Variants in KCNQ1 observed in about 807,000 individuals in gnomAD.
KCNQ1 encodes the protein potassium voltage-gated channel subfamily Q member 1, also known as potassium voltage-gated channel subfamily KQT member 1.
In KCNQ1, 49 loss-of-function variants were observed where a neutral mutation model predicts 72.4. The ratio of observed to expected loss-of-function variants is 0.68; its 90% CI spans 0.54 to 0.86. The LOEUF is 0.86. Among genes scored for constraint, KCNQ1 ranks in the 40% least tolerant of loss-of-function variants. The pLI is 0.00. For missense variants in KCNQ1, 790 were observed against 945.1 expected, an observed-to-expected ratio of 0.84 and a Z score of 2.15; for synonymous variants, 450 against 412.6, an observed-to-expected ratio of 1.09 and a Z score of -1.10.
chr11:2,807,622 G>T (rs937345155), intron 15 of KCNQ1, among the ~76,000 whole-genome samples: 1 of 152,002 alleles, frequency 6.6e-6, no homozygotes, highest in Non-Finnish European at 1.5e-5. Flanking sequence ...CGCAACCCGC[G>T]CCAGGACAGC....
At chr11:2,470,118 G>A (rs1468113763) in intron 1 of KCNQ1, among the ~76,000 whole-genome samples, 5 of 152,262 alleles carry the variant, frequency 3.3e-5, no homozygotes, top group African/African-American at 1.2e-4. Flanking sequence ...ATGTCACCAC[G>A]CCCGGCTGAT....
intron 1 of KCNQ1, among the ~76,000 whole-genome samples, chr11:2,521,322 C>T (rs1298876681): frequency 3.9e-5 from 6 of 152,302 alleles, no homozygotes; most frequent in South Asian, 4.1e-4. Context: ...TTCCCTGCGA[C>T]GGTGGATTTC....
At chr11:2,504,570 A>G (rs1847070806) in intron 1 of KCNQ1, among the ~76,000 whole-genome samples, 1 of 152,190 alleles carries the variant, frequency 6.6e-6, no homozygotes, top group Non-Finnish European at 1.5e-5. Flanking sequence ...TGCCTGGCCA[A>G]CATGGTGAAA....
At chr11:2,615,696 T>C (rs1415829962) in intron 10 of KCNQ1, 2 of 398,008 alleles carry the variant, frequency 5.0e-6, no homozygotes, top group Non-Finnish European at 8.9e-6. Context: ...ATTGATACTC[T>C]TGTACTGAAC....
intron 11 of KCNQ1, chr11:2,686,408 T>C (rs1189770366): frequency 3.3e-5 from 13 of 398,548 alleles, no homozygotes; most frequent in Non-Finnish European, 4.4e-5. Flanking sequence ...GACTAGGATA[T>C]TGTGGATACC....
rs1314965870 is a variant in KCNQ1, at chr11:2,698,680, C to T, written c.1514+36599C>T. 2.5e-6 allele frequency: 1 copy of T among 398,870 alleles called. No individual in the cohort carries two copies. Among genetic ancestry groups the T allele is most frequent in the East Asian group, 3.6e-5 (1 of 28,078 alleles). 24.7% of individuals were successfully genotyped at this position (398,870 alleles called of 1,614,324 possible). On this transcript the variant is annotated intron_variant, in intron 11 of 15. Transcript: ENST00000155840. This position sits in a 1 kb window ranked among gnomAD's most constrained non-coding sequence, Gnocchi z 5.1. ...TTAACTCAGAGCCCCCCATTCAGAA[C>T]CTCTACCCAAAGACAGACTCCAGAC...
Position 2,651,507 on chromosome 11 carries a change from G to A in KCNQ1, c.1394-10454G>A, listed in dbSNP as rs547186909. ...TGCATTAAGAAGCTGTCAGTGTGAA[G>A]AACGTGAATGCTAAGGGCATATGAG... On this transcript the variant is annotated intron_variant, in intron 10 of 15. Transcript: ENST00000155840. This position sits in a 1 kb window ranked among gnomAD's most constrained non-coding sequence, Gnocchi z 6.1. 1.8e-5 allele frequency: 7 copies of A among 398,682 alleles called. No individual in the cohort carries two copies. In the South Asian group the frequency reaches 3.8e-4, roughly 22 times the overall value. The allele number at this position is 398,682 out of a possible 1,614,324, so 24.7% of individuals were successfully genotyped here. A position where few individuals can be genotyped will look rare whatever the true frequency, so the allele number is the denominator to read the frequency against.
At position 2,497,255 on chromosome 11, in the gene KCNQ1, T is replaced by C. The variant is rs917748866; in HGVS notation, c.387-30673T>C. Among the ~76,000 whole-genome samples, 1 of 152,166 alleles carries C rather than the reference T, an allele frequency of 6.6e-6. No individual in the cohort carries two copies. Among genetic ancestry groups the C allele is most frequent in the Non-Finnish European group, 1.5e-5 (1 of 68,022 alleles). On this transcript the variant is annotated intron_variant, in intron 1 of 15. Transcript: ENST00000155840. This position sits in a 1 kb window ranked among gnomAD's most constrained non-coding sequence, Gnocchi z 4.5. ...AGTTCTCCTGGATAATATCCTGAAG[T>C]GTGTTTTCCAACTTGGTTCCATTCT...
chr11:2,756,084 G>A (rs1047309589), intron 11 of KCNQ1, among the ~76,000 whole-genome samples: 12 of 152,202 alleles, frequency 7.9e-5, no homozygotes, highest in Non-Finnish European at 1.3e-4. Context: ...TGATGGGAGT[G>A]TACAGTGGGA....
In KCNQ1 at chr11:2,507,342, G is replaced by T. The variant is rs3819509; in HGVS notation, c.387-20586G>T. ...GGCCTCTAAGTGGAGCATGGAGTGTGGGGTCATCGGGCAGGACACGAGATG... is the reference window on the plus strand; with the variant it reads ...GGCCTCTAAGTGGAGCATGGAGTGTTGGGTCATCGGGCAGGACACGAGATG... On this transcript the variant is annotated intron_variant, in intron 1 of 15. Transcript: ENST00000155840. The surrounding 1 kb of genome is among the most constrained non-coding windows in gnomAD (Gnocchi z 5.4). Among the ~76,000 whole-genome samples, 109,509 of 151,666 alleles carry T rather than the reference G, an allele frequency of 0.72. 39,641 individuals carry two copies. The highest frequency in any genetic ancestry group is 0.83 in the East Asian group (4,232 of 5,128).
intron 15 of KCNQ1, among the ~76,000 whole-genome samples, chr11:2,798,119 C>T (rs573590010): frequency 7.2e-6 from 1 of 138,142 alleles, no homozygotes; most frequent in South Asian, 2.4e-4. Context: ...CCTTTTCCCA[C>T]CCTCAGTGCC....
At position 2,712,962 on chromosome 11, in the gene KCNQ1, T is replaced by G. The variant is rs1203679938; in HGVS notation, c.1514+50881T>G. Among the ~76,000 whole-genome samples the G allele has an allele frequency of 6.6e-6, 1 of 152,002 alleles. No homozygotes were observed. The highest frequency in any genetic ancestry group is 2.4e-5 in the African/African-American group (1 of 41,380). On this transcript the variant is annotated intron_variant, in intron 11 of 15. Coordinates refer to ENST00000155840, the MANE Select transcript of KCNQ1 (RefSeq NM_000218.3). This position sits in a 1 kb window ranked among gnomAD's most constrained non-coding sequence, Gnocchi z 6.4. ...GAAGACACCCGGGTTGTAAACAGGG[T>G]GGGGCAGGGGTCCTGGTAAGTATGA...
At chr11:2,532,278 G>C (rs111384531) in intron 2 of KCNQ1, among the ~76,000 whole-genome samples, 1 of 152,200 alleles carries the variant, frequency 6.6e-6, no homozygotes, top group Non-Finnish European at 1.5e-5. Flanking sequence ...CTTCCTGGCC[G>C]TGCATGTCCC....
At position 2,704,118 on chromosome 11, in the gene KCNQ1, G is replaced by T. The variant is rs113494240; in HGVS notation, c.1514+42037G>T. ...TTCAGTGAGGCTTTTTGCATGCATT[G>T]GTCCACACACCCACCACTGCAGCTG... On this transcript the variant is annotated intron_variant, in intron 11 of 15. Coordinates refer to ENST00000155840, the MANE Select transcript of KCNQ1 (RefSeq NM_000218.3). This position sits in a 1 kb window ranked among gnomAD's most constrained non-coding sequence, Gnocchi z 4.3. 3.9e-3 allele frequency among the ~76,000 whole-genome samples: 594 copies of T among 152,316 alleles called. 1 individual carries two copies. The highest frequency in any genetic ancestry group is 0.014 in the Middle Eastern group (4 of 292).
Position 2,764,651 on chromosome 11 carries a change from A to G in KCNQ1, c.1515-4193A>G, listed in dbSNP as rs79291597. ...GTCTAGATACAGAGTTTTCTTTGCC[A>G]GAAGATCATTAAAATTCCAAATTTA... On this transcript the variant is annotated intron_variant, in intron 11 of 15. Coordinates refer to ENST00000155840, the MANE Select transcript of KCNQ1 (RefSeq NM_000218.3). The surrounding 1 kb of genome is among the most constrained non-coding windows in gnomAD (Gnocchi z 4.8). Among the ~76,000 whole-genome samples the G allele has an allele frequency of 0.051, 7,798 of 152,282 alleles. 440 individuals are homozygous for G. The highest frequency in any genetic ancestry group is 0.13 in the East Asian group (687 of 5,186).
intron 11 of KCNQ1, among the ~76,000 whole-genome samples, chr11:2,749,730 G>A (rs569196134): frequency 1.1e-3 from 173 of 151,566 alleles, no homozygotes; most frequent in Non-Finnish European, 2.0e-3. Context: ...GGAGAATGGC[G>A]TGAACCCAGG....
At chr11:2,655,756 G>A (rs1849835923) in intron 10 of KCNQ1, 2 of 377,592 alleles carry the variant, frequency 5.3e-6, no homozygotes, top group Middle Eastern at 6.8e-4. Flanking sequence ...CAGGGAAGAG[G>A]TGGCAGCTCT....
intron 11 of KCNQ1, among the ~76,000 whole-genome samples, chr11:2,705,587 C>T (rs963539988): frequency 4.6e-5 from 7 of 152,186 alleles, no homozygotes; most frequent in Non-Finnish European, 8.8e-5. Flanking sequence ...ATCCCAAGCT[C>T]GGGGTGTGTG....
At chr11:2,534,047 C>T (rs1186844669) in intron 2 of KCNQ1, among the ~76,000 whole-genome samples, 2 of 152,158 alleles carry the variant, frequency 1.3e-5, no homozygotes, top group Non-Finnish European at 2.9e-5. Flanking sequence ...CAGCTGCAGC[C>T]TCCACTGCCT....
Sources: gnomAD v4.1 joint callset for allele counts (sites outside exome capture counted in the v4.1 genomes callset) on GRCh38, gnomAD v4.1.1 for gene constraint, Gnocchi (gnomAD v3.1) non-coding constraint, MANE v1.5 for transcripts, NCBI Gene and HGNC (gene_info 2026-07-23, HGNC 2026-07-21) for gene names.